The following NTF3 variants were observed in gnomAD, a reference collection of about 807,000 sequenced individuals.
NTF3 encodes neurotrophin-3.
Under a neutral mutation model 26.3 loss-of-function variants are expected in NTF3, and 8 were observed. The observed-to-expected ratio is 0.30, with a 90% CI of 0.18 to 0.55. The LOEUF (loss-of-function observed/expected upper bound fraction) is 0.55. NTF3 is among the 20% of genes least tolerant of loss of function. The pLI is 0.93. For missense variants in NTF3, 276 were observed against 352.9 expected (o/e 0.78, Z 1.75); for synonymous variants, 154 against 145.5 (o/e 1.06, Z -0.42).
chr12:5,474,697 G>T (rs1309567466), intron 1 of NTF3, among the ~76,000 whole-genome samples: 1 of 152,198 alleles, frequency 6.6e-6, no homozygotes, highest in Non-Finnish European at 1.5e-5. Context: ...GGAAGGCTGG[G>T]AGAGGGCAAA....
At chr12:5,450,422 G>A (rs1229543914) in intron 1 of NTF3, among the ~76,000 whole-genome samples, 1 of 152,200 alleles carries the variant, frequency 6.6e-6, no homozygotes, top group Admixed American at 6.5e-5. Flanking sequence ...CCAAAGTGAA[G>A]AGAATTTTGC....
intron 1 of NTF3, among the ~76,000 whole-genome samples, chr12:5,455,473 G>A (rs1940431742): frequency 6.6e-6 from 1 of 151,064 alleles, no homozygotes; most frequent in Admixed American, 6.6e-5. Context: ...TGGACTCCAG[G>A]AGTCCTGTCC....
chr12:5,479,308 T>C (rs1243964869), intron 1 of NTF3, among the ~76,000 whole-genome samples: 1 of 152,234 alleles, frequency 6.6e-6, no homozygotes, highest in Non-Finnish European at 1.5e-5. Context: ...GAGGACATTC[T>C]TGCAGCCAGA....
At chr12:5,486,092 G>C (rs745615947) in intron 1 of NTF3, among the ~76,000 whole-genome samples, 1 of 152,214 alleles carries the variant, frequency 6.6e-6, no homozygotes, top group Non-Finnish European at 1.5e-5. Context: ...TGTGAAAGGC[G>C]GTTGTCTGTG....
intron 1 of NTF3, among the ~76,000 whole-genome samples, chr12:5,455,644 G>A (rs1482162091): frequency 6.6e-6 from 1 of 151,670 alleles, no homozygotes; most frequent in African/African-American, 2.4e-5. Flanking sequence ...TAGCCCACCT[G>A]CACCCTCGAC....
intron 1 of NTF3, among the ~76,000 whole-genome samples, chr12:5,436,071 T>A (rs1258094999): frequency 6.6e-6 from 1 of 152,086 alleles, no homozygotes; most frequent in Non-Finnish European, 1.5e-5. Flanking sequence ...GAGACAAAGG[T>A]GTCGTTGATC....
chr12:5,494,710 A>T lies in NTF3; in HGVS notation c.535A>T (p.Ile179Phe), dbSNP rs1164008536. The change falls in exon 2 of 2, where the codon ATC becomes TTC. Residue 179 changes from isoleucine to phenylalanine, a missense_variant. Physicochemically the swap from Ile to Phe is conservative, Grantham distance 21. This residue lies in a region of NTF3 where 221 missense variants were observed against 258.2 expected (regional missense o/e 0.86). Coordinates refer to ENST00000423158, the MANE Select transcript of NTF3 (RefSeq NM_001102654.2). The surrounding 1 kb of genome is among the most constrained non-coding windows in gnomAD (Gnocchi z 8.3). ...SLWVTDKSSA[I>F]DIRGHQVTVL... ...GTGGGTGACCGACAAGTCATCGGCC[A>T]TCGACATTCGGGGACACCAGGTCAC... 1.2e-6 allele frequency: 2 copies of T among 1,614,194 alleles called. No individual in the cohort carries two copies. The highest frequency in any genetic ancestry group is 3.3e-4 in the Middle Eastern group (2 of 6,062).
intron 1 of NTF3, among the ~76,000 whole-genome samples, chr12:5,481,374 A>T (rs1322904939): frequency 1.9e-5 from 2 of 103,580 alleles, no homozygotes; most frequent in Non-Finnish European, 4.3e-5. Context: ...ACACACGCAG[A>T]CACACACACC....
intron 1 of NTF3, among the ~76,000 whole-genome samples, chr12:5,485,742 G>C (rs1456426995): frequency 6.6e-6 from 1 of 152,132 alleles, no homozygotes; most frequent in African/African-American, 2.4e-5. Flanking sequence ...AGAGTGTTTG[G>C]GGCTGGAGTC....
chr12:5,436,314 G>A (rs1285983918), intron 1 of NTF3, among the ~76,000 whole-genome samples: 1 of 152,100 alleles, frequency 6.6e-6, no homozygotes. Flanking sequence ...TTTTGAGAGG[G>A]AAACTCATCT....
chr12:5,437,203 C>T (rs1940177674), intron 1 of NTF3, among the ~76,000 whole-genome samples: 1 of 152,192 alleles, frequency 6.6e-6, no homozygotes, highest in Non-Finnish European at 1.5e-5. Flanking sequence ...ACTCCTGGCT[C>T]AGAGTCAGGC....
chr12:5,437,668 G>T (rs75391458), intron 1 of NTF3, among the ~76,000 whole-genome samples: 2,079 of 152,280 alleles, frequency 0.014, 42 homozygotes, highest in African/African-American at 0.046. Flanking sequence ...ACTCTTTAAC[G>T]AGGCAGGCAG....
rs559216152 is a variant in NTF3, at chr12:5,470,454, T to C, written c.19-23740T>C. Among the ~76,000 whole-genome samples, 4 of 152,318 alleles carry C rather than the reference T, an allele frequency of 2.6e-5. No individual in the cohort carries two copies. In the East Asian group the frequency reaches 7.7e-4, roughly 29 times the overall value. On this transcript the variant is annotated intron_variant, in intron 1 of 1. Transcript: ENST00000423158. ...GCTGAAGTTTGATTCCTGAATCCTG[T>C]GTCGCAGTCTAAATGCTGAGGCAGA...
chr12:5,435,554 G>A (rs547696733), intron 1 of NTF3, among the ~76,000 whole-genome samples: 1 of 152,204 alleles, frequency 6.6e-6, no homozygotes. Flanking sequence ...TGGGAAGGGA[G>A]CTGGACGGTG....
intron 1 of NTF3, among the ~76,000 whole-genome samples, chr12:5,438,349 A>G (rs1236934223): frequency 6.6e-6 from 1 of 152,212 alleles, no homozygotes; most frequent in African/African-American, 2.4e-5. Context: ...TTTGCTGTTC[A>G]TGTCCCCATC....
intron 1 of NTF3, among the ~76,000 whole-genome samples, chr12:5,489,854 C>T (rs964679702): frequency 6.6e-6 from 1 of 152,134 alleles, no homozygotes. Context: ...ACCCCCAAAC[C>T]CTCTGTGGAT....
intron 1 of NTF3, among the ~76,000 whole-genome samples, chr12:5,484,518 A>G (rs1210311969): frequency 6.6e-6 from 1 of 152,146 alleles, no homozygotes; most frequent in East Asian, 1.9e-4. Context: ...ATTTTTTAAA[A>G]TATTTTTTCT....
intron 1 of NTF3, among the ~76,000 whole-genome samples, chr12:5,454,513 C>A (rs967183106): frequency 6.6e-6 from 1 of 152,192 alleles, no homozygotes; most frequent in Non-Finnish European, 1.5e-5. Context: ...ATGTTGGGCA[C>A]CTGTAACTCC....
rs1203138970 is a variant in NTF3 at position 5,433,209 on chromosome 12, G to C, written c.18+867G>C. 1 of 152,254 alleles carries C rather than the reference G, an allele frequency of 6.6e-6. No individual in the cohort carries two copies. Among genetic ancestry groups the C allele is most frequent in the Non-Finnish European group, 1.5e-5 (1 of 68,092 alleles). 9.4% of individuals were successfully genotyped at this position (152,254 alleles called of 1,614,324 possible). ...CCCGCACATCTGGGACCCCTCCGGG[G>C]AGCGGCGGGCACCCGGGCCCGGCCA... On this transcript the variant is annotated intron_variant, in intron 1 of 1. Coordinates refer to ENST00000423158, the MANE Select transcript of NTF3 (RefSeq NM_001102654.2). The surrounding 1 kb of genome is among the most constrained non-coding windows in gnomAD (Gnocchi z 4.6).
Sources: gnomAD v4.1 joint callset for allele counts (sites outside exome capture counted in the v4.1 genomes callset) on GRCh38, gnomAD v4.1.1 for gene constraint, gnomAD v4.1.1 regional missense constraint, Gnocchi (gnomAD v3.1) non-coding constraint, MANE v1.5 for transcripts, NCBI Gene and HGNC (gene_info 2026-07-23, HGNC 2026-07-21) for gene names.